Variants in AGTPBP1 observed in about 807,000 individuals in gnomAD.
AGTPBP1 encodes cytosolic carboxypeptidase 1.
Under a neutral mutation model 143.9 loss-of-function variants are expected in AGTPBP1, and 70 were observed. The ratio of observed to expected loss-of-function variants is 0.49; its 90% CI spans 0.40 to 0.59. The LOEUF is 0.59. AGTPBP1 is among the 20% of genes least tolerant of loss of function. The probability of loss-of-function intolerance (pLI) is 0.00; values close to 1 mark genes in which losing one functional copy is unlikely to be tolerated. For synonymous variants in AGTPBP1, 463 were observed against 500.2 expected (o/e 0.93, Z 0.99); for missense variants, 1,229 against 1,464.5 (o/e 0.84, Z 2.62).
At chr9:85,728,025 T>C (rs866738877) in intron 1 of AGTPBP1, among the ~76,000 whole-genome samples, 1 of 80,358 alleles carries the variant, frequency 1.2e-5, no homozygotes, top group South Asian at 3.7e-4. Context: ...AAATATATAT[T>C]TATATACACA....
rs529630649 is a variant in AGTPBP1, at chr9:85,644,679, G to A, written c.1185+1642C>T. Among the ~76,000 whole-genome samples the A allele has an allele frequency of 9.2e-5, 14 of 152,198 alleles. 1 individual carries two copies. The South Asian group carries it at 1.5e-3, about 16-fold the overall frequency. On this transcript the variant is annotated intron_variant, in intron 12 of 25. Coordinates refer to ENST00000357081, the MANE Select transcript of AGTPBP1 (RefSeq NM_001330701.2). ...TACGGTCAAGTTGTGGCTAGCTGGA[G>A]ATGAATCTTCTAGAAGCTACCAGTT...
At chr9:85,802,363 T>A in the AGTPBP1 span, among the ~76,000 whole-genome samples, 3 of 152,118 alleles carry the variant, frequency 2.0e-5, no homozygotes, top group East Asian at 5.8e-4. Context: ...ACTTGCCTGG[T>A]CAAATCTCAG....
rs1001192753 is a variant in AGTPBP1, at chr9:85,741,927, G to C, written c.-186C>G. 4 of 1,314,546 alleles carry C rather than the reference G, an allele frequency of 3.0e-6. No individual in the cohort carries two copies. In the African/African-American group the frequency reaches 6.2e-5, roughly 20 times the overall value. The allele number at this position is 1,314,546 out of a possible 1,614,324, so 81.4% of individuals were successfully genotyped here. ...CGGAGGCGGCGGCGGCGGCAGCTGC[G>C]GCGGCGGCGCTGGAGGCGGCGGAAC... On this transcript the variant is annotated 5_prime_UTR_variant, in exon 1 of 26. Transcript: ENST00000357081.
intron 25 of AGTPBP1, among the ~76,000 whole-genome samples, chr9:85,569,106 G>A (rs777731714): frequency 1.3e-5 from 2 of 152,154 alleles, no homozygotes; most frequent in Non-Finnish European, 2.9e-5. Context: ...TCAGAGGAAA[G>A]TTTATGAACA....
At chr9:85,613,313 C>A (rs142817387) in intron 17 of AGTPBP1, among the ~76,000 whole-genome samples, 9 of 151,490 alleles carry the variant, frequency 5.9e-5, no homozygotes, top group Admixed American at 2.0e-4. Flanking sequence ...AATCAGCCTG[C>A]AGAGAGGTAA....
intron 10 of AGTPBP1, 25 bp downstream of exon 10, chr9:85,657,410 C>T (rs1833590892): frequency 6.4e-7 from 1 of 1,559,880 alleles, no homozygotes; most frequent in African/African-American, 1.4e-5. Flanking sequence ...TACATAATCA[C>T]AATAATAAGA....
At chr9:85,571,068 T>C (rs553582899) in intron 25 of AGTPBP1, among the ~76,000 whole-genome samples, 1 of 152,368 alleles carries the variant, frequency 6.6e-6, no homozygotes, top group East Asian at 1.9e-4. Context: ...GTTATGTCTG[T>C]CTTTATTTGA....
chr9:85,629,780 G>A (rs2133672135), intron 14 of AGTPBP1, among the ~76,000 whole-genome samples: 1 of 152,286 alleles, frequency 6.6e-6, no homozygotes, highest in East Asian at 1.9e-4. Context: ...CTGCTTGGGA[G>A]GGATGTATGT....
chr9:85,639,377 A>G (rs919568895), intron 13 of AGTPBP1, among the ~76,000 whole-genome samples: 27 of 151,936 alleles, frequency 1.8e-4, no homozygotes, highest in African/African-American at 4.6e-4. Flanking sequence ...GCACACACAC[A>G]CACACACACA....
In AGTPBP1 at chr9:85,696,835, G is replaced by A. The variant is rs545385129; in HGVS notation, c.33-4022C>T. 2.6e-5 allele frequency among the ~76,000 whole-genome samples: 4 copies of A among 152,222 alleles called. No homozygotes were observed. In the South Asian group the frequency reaches 8.3e-4, roughly 32 times the overall value. On this transcript the variant is annotated intron_variant, in intron 2 of 25. Transcript: ENST00000357081. ...ACAGAGTACAAAAGTTCACTAATAT[G>A]GTTTCAGATTCCACATTGTAACTAA...
chr9:85,694,063 G>A (rs1200904801), intron 2 of AGTPBP1, among the ~76,000 whole-genome samples: 1 of 140,090 alleles, frequency 7.1e-6, no homozygotes, highest in South Asian at 2.2e-4. Flanking sequence ...GCATGGGAGA[G>A]AACAGAGAAA....
At chr9:85,573,702 C>T (rs1336050946) in intron 25 of AGTPBP1, among the ~76,000 whole-genome samples, 1 of 151,604 alleles carries the variant, frequency 6.6e-6, no homozygotes, top group Non-Finnish European at 1.5e-5. Context: ...AAGTAAGGAG[C>T]GTCTCTGCCC....
intron 7 of AGTPBP1, among the ~76,000 whole-genome samples, chr9:85,671,647 G>A (rs879299224): frequency 5.3e-5 from 8 of 151,776 alleles, no homozygotes; most frequent in Admixed American, 4.6e-4. Flanking sequence ...TCAATCTTAG[G>A]TTCTTTCATT....
At chr9:85,664,193 G>C (rs188657754) in intron 8 of AGTPBP1, among the ~76,000 whole-genome samples, 1 of 152,226 alleles carries the variant, frequency 6.6e-6, no homozygotes, top group East Asian at 1.9e-4. Context: ...GAATTACCAA[G>C]GGCACAATAA....
At chr9:85,633,436 T>G in intron 13 of AGTPBP1, 62 bp from the exon 14 acceptor site, 1 of 1,253,102 alleles carries the variant, frequency 8.0e-7, no homozygotes, top group Non-Finnish European at 1.1e-6. Flanking sequence ...TTAACAAAAC[T>G]AATACATTCA....
intron 8 of AGTPBP1, among the ~76,000 whole-genome samples, chr9:85,669,010 T>TAC (rs1204301177): frequency 2.0e-4 from 12 of 58,694 alleles, no homozygotes; most frequent in Admixed American, 9.6e-4. Context: ...TGTGTGTGTA[T>TAC]ACATACACAC....
chr9:85,615,485 T>A (rs1171504629), intron 17 of AGTPBP1, among the ~76,000 whole-genome samples: 1 of 152,126 alleles, frequency 6.6e-6, no homozygotes, highest in South Asian at 2.1e-4. Context: ...ACATTACTAA[T>A]GATGCTGCTG....
the AGTPBP1 span, among the ~76,000 whole-genome samples, chr9:85,804,662 T>G: frequency 1.3e-5 from 2 of 152,264 alleles, no homozygotes; most frequent in African/African-American, 2.4e-5. Flanking sequence ...GTGCCGGCTC[T>G]GCCGTTTATT....
At chr9:85,696,043 C>A (rs370816240) in intron 2 of AGTPBP1, among the ~76,000 whole-genome samples, 1 of 151,942 alleles carries the variant, frequency 6.6e-6, no homozygotes, top group African/African-American at 2.4e-5. Context: ...GGTTTCACCA[C>A]GTTGGTCAGG....
Sources: allele counts gnomAD v4.1 joint callset (sites outside exome capture counted in the v4.1 genomes callset), GRCh38; gene constraint gnomAD v4.1.1; transcripts MANE v1.5; gene names NCBI Gene and HGNC (gene_info 2026-07-23, HGNC 2026-07-21).